The following LARGE1 variants were observed in gnomAD, a reference collection of about 807,000 sequenced individuals.
The protein encoded by LARGE1 is xylosyl- and glucuronyltransferase LARGE1.
Under a neutral mutation model 87.6 loss-of-function variants are expected in LARGE1, and 43 were observed. The observed-to-expected ratio is 0.49, with a 90% CI of 0.38 to 0.63. LARGE1 has a LOEUF of 0.63. LARGE1 is among the 30% of genes least tolerant of loss of function. The pLI is 0.00. For missense variants in LARGE1, 802 were observed against 1,000.2 expected (o/e 0.80, Z 2.67); for synonymous variants, 434 against 394.6 (o/e 1.10, Z -1.18).
chr22:33,366,939 T>C (rs560233381), intron 9 of LARGE1, among the ~76,000 whole-genome samples: 76 of 152,362 alleles, frequency 5.0e-4, no homozygotes, highest in African/African-American at 1.7e-3. Context: ...TAAAAAAAAT[T>C]GGTAGAACTT....
At position 33,913,513 on chromosome 22, in the gene LARGE1, G is replaced by A. The variant is rs1021803181; in HGVS notation, c.-83+6482C>T. Among the ~76,000 whole-genome samples, 2 of 152,096 alleles carry A rather than the reference G, an allele frequency of 1.3e-5. 1 individual carries two copies. On this transcript the variant is annotated intron_variant, in intron 1 of 14. Coordinates refer to ENST00000397394, the MANE Select transcript of LARGE1 (RefSeq NM_133642.5). ...TAGCGGGTTATTTGTTAAAACATTC[G>A]TTTATGTTTGAGAAGTCTTTGGTGT... is the stretch of plus-strand genomic sequence containing the variant.
At chr22:33,909,965 T>A (rs2146954566) in intron 1 of LARGE1, among the ~76,000 whole-genome samples, 3 of 152,308 alleles carry the variant, frequency 2.0e-5, no homozygotes, top group Middle Eastern at 6.8e-3. Flanking sequence ...ATTTTAACTG[T>A]CTTGTATCCA....
intron 2 of LARGE1, among the ~76,000 whole-genome samples, chr22:33,739,999 T>A (rs1027867138): frequency 6.6e-6 from 1 of 152,190 alleles, no homozygotes; most frequent in Non-Finnish European, 1.5e-5. Flanking sequence ...TGTGGTATGA[T>A]ACAGTGTTTC....
chr22:33,291,670 A>AT (rs1287923762), intron 12 of LARGE1, among the ~76,000 whole-genome samples: 1 of 150,784 alleles, frequency 6.6e-6, no homozygotes, highest in Non-Finnish European at 1.5e-5. Context: ...ACATCAATAC[A>AT]TTTAATACAT....
intron 11 of LARGE1, among the ~76,000 whole-genome samples, chr22:33,237,839 T>C (rs1407836189): frequency 6.6e-6 from 1 of 152,138 alleles, no homozygotes; most frequent in Non-Finnish European, 1.5e-5. Context: ...TATGACCAGA[T>C]GAGATAGCAT....
At chr22:33,599,219 T>C (rs1018598858) in intron 5 of LARGE1, among the ~76,000 whole-genome samples, 1 of 152,224 alleles carries the variant, frequency 6.6e-6, no homozygotes, top group Non-Finnish European at 1.5e-5. Flanking sequence ...CAGCACTTGT[T>C]AGCAGTCTAA....
chr22:33,269,776 T>C (rs1362687865), downstream of LARGE1, among the ~76,000 whole-genome samples: 1 of 151,744 alleles, frequency 6.6e-6, no homozygotes, highest in Non-Finnish European at 1.5e-5. Flanking sequence ...GAGGCCGAGG[T>C]GGGCGGATCA....
At chr22:33,561,059 C>T (rs933337736) in intron 6 of LARGE1, among the ~76,000 whole-genome samples, 5 of 152,170 alleles carry the variant, frequency 3.3e-5, no homozygotes, top group Admixed American at 6.5e-5. Context: ...CGTGATCTGC[C>T]GGGCTCGGCC....
intron 11 of LARGE1, among the ~76,000 whole-genome samples, chr22:33,182,042 G>A (rs1923199606): frequency 6.6e-6 from 1 of 151,782 alleles, no homozygotes; most frequent in Non-Finnish European, 1.5e-5. Flanking sequence ...GGCTGGTCTC[G>A]AACTCCTGAC....
chr22:33,495,113 C>T (rs2070042344), intron 6 of LARGE1, among the ~76,000 whole-genome samples: 1 of 151,462 alleles, frequency 6.6e-6, no homozygotes, highest in Non-Finnish European at 1.5e-5. Context: ...CACACCCCCA[C>T]CCCCCGGACA....
intron 1 of LARGE1, among the ~76,000 whole-genome samples, chr22:33,786,371 C>T (rs2085641409): frequency 6.6e-6 from 1 of 152,204 alleles, no homozygotes; most frequent in Non-Finnish European, 1.5e-5. Flanking sequence ...TATTGCTACT[C>T]CCAAAAGGCA....
intron 11 of LARGE1, among the ~76,000 whole-genome samples, chr22:33,186,922 TA>T (rs536468491): frequency 8.7e-4 from 133 of 152,314 alleles, no homozygotes; most frequent in African/African-American, 3.0e-3. Context: ...ATATATTTTC[TA>T]AATGTTCAAA....
chr22:33,081,414 G>A, the LARGE1 span, among the ~76,000 whole-genome samples: 1 of 152,180 alleles, frequency 6.6e-6, no homozygotes, highest in African/African-American at 2.4e-5. Flanking sequence ...AAGACGTAGG[G>A]AGGAGAAAGA....
chr22:33,495,522 C>A (rs1232057593), intron 6 of LARGE1, among the ~76,000 whole-genome samples: 3 of 152,072 alleles, frequency 2.0e-5, no homozygotes, highest in Non-Finnish European at 4.4e-5. Flanking sequence ...AGTTCGAGAC[C>A]AGCCTGACAG....
chr22:33,266,492 G>C (rs1927949019), intron 11 of LARGE1, among the ~76,000 whole-genome samples: 1 of 151,732 alleles, frequency 6.6e-6, no homozygotes, highest in Admixed American at 6.5e-5. Flanking sequence ...CCGAAGTGCT[G>C]GGATTACAGG....
intron 7 of LARGE1, among the ~76,000 whole-genome samples, chr22:33,387,592 T>C (rs952647624): frequency 6.6e-6 from 1 of 151,600 alleles, no homozygotes; most frequent in Non-Finnish European, 1.5e-5. Flanking sequence ...TTGAAGCCTC[T>C]AGAGAGGTCC....
At chr22:33,661,523 ATT>A (rs577392764) in intron 2 of LARGE1, among the ~76,000 whole-genome samples, 1 of 146,846 alleles carries the variant, frequency 6.8e-6, no homozygotes, top group African/African-American at 2.5e-5. Context: ...CATTTCTGTG[ATT>A]TTTTTTTTTT....
intron 1 of LARGE1, among the ~76,000 whole-genome samples, chr22:33,797,087 T>C (rs2086010516): frequency 6.6e-6 from 1 of 152,146 alleles, no homozygotes; most frequent in South Asian, 2.1e-4. Flanking sequence ...TCTAAAAGCA[T>C]CTCCAAAGTT....
intron 2 of LARGE1, among the ~76,000 whole-genome samples, chr22:33,738,860 A>AAG (rs1556020550): frequency 1.3e-5 from 2 of 150,678 alleles, no homozygotes; most frequent in Non-Finnish European, 1.5e-5. Flanking sequence ...AAAAAAAAAA[A>AAG]AGAGAGACCA....
Sources: allele counts gnomAD v4.1 joint callset (sites outside exome capture counted in the v4.1 genomes callset), GRCh38; gene constraint gnomAD v4.1.1; transcripts MANE v1.5; gene names NCBI Gene and HGNC (gene_info 2026-07-23, HGNC 2026-07-21).